The following IQCM variants were observed in gnomAD, a reference collection of about 807,000 sequenced individuals.
IQCM encodes the protein IQ domain-containing protein M.
Under a neutral mutation model 57.6 loss-of-function variants are expected in IQCM, and 45 were observed. That is an observed-to-expected ratio of 0.78 (90% CI 0.62 to 1.00). The LOEUF is 1.00. IQCM is among the 50% of genes least tolerant of loss of function. IQCM has a pLI of 0.00. For missense variants in IQCM, 468 were observed against 511.6 expected (o/e 0.91, Z 0.82); for synonymous variants, 148 against 158.9 (o/e 0.93, Z 0.51).
chr4:149,417,241 A>G (rs1733807760), intron 13 of IQCM, among the ~76,000 whole-genome samples: 2 of 152,148 alleles, frequency 1.3e-5, no homozygotes, highest in Admixed American at 1.3e-4. Flanking sequence ...AGTAGATCAC[A>G]TGTTGTCGGA....
intron 7 of IQCM, among the ~76,000 whole-genome samples, chr4:149,641,250 T>C (rs1473125198): frequency 6.6e-6 from 1 of 152,174 alleles, no homozygotes; most frequent in Non-Finnish European, 1.5e-5. Flanking sequence ...ATTTAGCCAG[T>C]TTATTTAATG....
At chr4:149,802,744 C>G (rs1045095781) in intron 2 of IQCM, among the ~76,000 whole-genome samples, 11 of 151,826 alleles carry the variant, frequency 7.2e-5, no homozygotes, top group Admixed American at 2.0e-4. Flanking sequence ...ATAACATTTT[C>G]AAGGTTATAT....
chr4:149,684,874 G>A (rs1669273242), intron 6 of IQCM, among the ~76,000 whole-genome samples: 1 of 151,338 alleles, frequency 6.6e-6, no homozygotes, highest in Non-Finnish European at 1.5e-5. Flanking sequence ...TAAAGACAAG[G>A]CAGCCCAGGT....
At chr4:149,596,406 G>T (rs2150022466) in intron 8 of IQCM, among the ~76,000 whole-genome samples, 1 of 152,242 alleles carries the variant, frequency 6.6e-6, no homozygotes, top group African/African-American at 2.4e-5. Flanking sequence ...TCAGAAGCTT[G>T]TCTTTGCCTT....
intron 12 of IQCM, among the ~76,000 whole-genome samples, chr4:149,448,908 T>C (rs1444011284): frequency 2.0e-5 from 3 of 151,754 alleles, no homozygotes; most frequent in African/African-American, 7.3e-5. Flanking sequence ...AGGGAGGTAT[T>C]ATAGCAATTC....
chr4:149,459,266 T>C (rs1738022431), intron 12 of IQCM, among the ~76,000 whole-genome samples: 1 of 152,348 alleles, frequency 6.6e-6, no homozygotes, highest in South Asian at 2.1e-4. Flanking sequence ...TTGCCTCCCA[T>C]TAATGTCAGA....
chr4:149,368,137 C>G (rs1245289990), intron 13 of IQCM, among the ~76,000 whole-genome samples: 1 of 151,906 alleles, frequency 6.6e-6, no homozygotes, highest in Non-Finnish European at 1.5e-5. Flanking sequence ...TTTGTCTTCT[C>G]TTTTATATTC....
intron 7 of IQCM, among the ~76,000 whole-genome samples, chr4:149,660,512 G>T (rs925377733): frequency 6.6e-6 from 1 of 152,136 alleles, no homozygotes; most frequent in African/African-American, 2.4e-5. Context: ...AAATCATGCT[G>T]CTACAAAGAC....
chr4:149,756,980 C>T (rs909025554), intron 2 of IQCM, among the ~76,000 whole-genome samples: 17 of 152,196 alleles, frequency 1.1e-4, no homozygotes, highest in African/African-American at 3.4e-4. Context: ...CATAGATGGC[C>T]GGGTGTGGTG....
intron 13 of IQCM, among the ~76,000 whole-genome samples, chr4:149,358,989 A>G (rs1223319245): frequency 7.1e-6 from 1 of 141,584 alleles, no homozygotes; most frequent in Non-Finnish European, 1.6e-5. Flanking sequence ...AGGGAAAAGT[A>G]AAAAGAAAGA....
intron 13 of IQCM, among the ~76,000 whole-genome samples, chr4:149,383,030 A>T (rs1410916407): frequency 6.6e-6 from 1 of 151,926 alleles, no homozygotes; most frequent in Non-Finnish European, 1.5e-5. Context: ...CTGAGGCATC[A>T]ATACCCTGAA....
intron 12 of IQCM, among the ~76,000 whole-genome samples, chr4:149,508,464 A>G (rs781558524): frequency 3.9e-5 from 6 of 152,182 alleles, no homozygotes; most frequent in Non-Finnish European, 7.3e-5. Flanking sequence ...AACATGAGAC[A>G]TGGCGTCAAA....
At chr4:149,770,322 C>T (rs576809698) in intron 2 of IQCM, among the ~76,000 whole-genome samples, 132 of 152,142 alleles carry the variant, frequency 8.7e-4, no homozygotes, top group Admixed American at 2.5e-3. Flanking sequence ...ACAAACAAAG[C>T]TCCTGGCCCA....
chr4:149,389,846 TA>T (rs1731721155), intron 13 of IQCM, among the ~76,000 whole-genome samples: 1 of 151,964 alleles, frequency 6.6e-6, no homozygotes, highest in Admixed American at 6.6e-5. Context: ...CCCTAAAACT[TA>T]AAGTATAATA....
intron 2 of IQCM, among the ~76,000 whole-genome samples, chr4:149,762,397 A>C (rs1415143482): frequency 1.3e-5 from 2 of 151,940 alleles, no homozygotes; most frequent in East Asian, 3.9e-4. Context: ...GTGAATCTTT[A>C]AAATTGTATC....
chr4:149,797,316 C>G (rs1395746567), intron 2 of IQCM, among the ~76,000 whole-genome samples: 1 of 151,886 alleles, frequency 6.6e-6, no homozygotes, highest in African/African-American at 2.4e-5. Flanking sequence ...CAGAACTGAT[C>G]AAGCAGAAGA....
At chr4:149,808,574 G>T (rs1034733079) in intron 2 of IQCM, among the ~76,000 whole-genome samples, 3 of 152,036 alleles carry the variant, frequency 2.0e-5, no homozygotes, top group African/African-American at 7.2e-5. Context: ...AACACAAAAA[G>T]GTAGATGTTT....
chr4:149,699,217 T>G (rs2149809673), intron 5 of IQCM, among the ~76,000 whole-genome samples: 1 of 152,154 alleles, frequency 6.6e-6, no homozygotes, highest in East Asian at 1.9e-4. Flanking sequence ...TGACCAAAAC[T>G]TCTCTATCAA....
intron 13 of IQCM, among the ~76,000 whole-genome samples, chr4:149,362,060 T>C (rs552438059): frequency 6.6e-6 from 1 of 152,252 alleles, no homozygotes; most frequent in South Asian, 2.1e-4. Flanking sequence ...GGAGATAATT[T>C]TGGAGCTTTA....
Sources: gnomAD v4.1 joint callset for allele counts (sites outside exome capture counted in the v4.1 genomes callset) on GRCh38, gnomAD v4.1.1 for gene constraint, MANE v1.5 for transcripts, NCBI Gene and HGNC (gene_info 2026-07-23, HGNC 2026-07-21) for gene names.